The following PPFIA4 variants were observed in gnomAD, a reference collection of about 807,000 sequenced individuals.
PPFIA4 encodes PPFI scaffold protein A4.
In PPFIA4, 98 loss-of-function variants were observed where a neutral mutation model predicts 145.7. The observed-to-expected ratio is 0.67, with a 90% CI of 0.57 to 0.80. PPFIA4 has a LOEUF of 0.80. Among genes scored for constraint, PPFIA4 ranks in the 30% least tolerant of loss-of-function variants. PPFIA4 has a pLI of 0.00. For synonymous variants in PPFIA4, 628 were observed against 649.6 expected (o/e 0.97, Z 0.51); for missense variants, 1,457 against 1,632.7 (o/e 0.89, Z 1.85).
chr1:203,063,618 T>C, intron 24 of PPFIA4: 1 of 539,436 alleles, frequency 1.9e-6, no homozygotes, highest in South Asian at 2.2e-5. Flanking sequence ...AACCGTATCA[T>C]TTCGAGATCT....
rs555327606 is a variant in PPFIA4, at chr1:203,046,472, G to A, written c.1140+90G>A. ...GCAGGGAAGGGAGCGCGTGGGAGGC[G>A]CACTGGGCCAGGAGCCAGAAAACTG... On this transcript the variant is annotated intron_variant, in intron 9 of 29. Transcript: ENST00000295706. The A allele has an allele frequency of 4.9e-6, 7 of 1,435,366 alleles. No homozygotes were observed. In the Admixed American group the frequency reaches 7.5e-5, roughly 15 times the overall value. 88.9% of individuals were successfully genotyped at this position (1,435,366 alleles called of 1,614,324 possible). A position where few individuals can be genotyped will look rare whatever the true frequency, so the allele number is the denominator to read the frequency against.
At chr1:203,044,910 C>A in intron 6 of PPFIA4, 125 bp downstream of exon 6, 2 of 811,392 alleles carry the variant, frequency 2.5e-6, no homozygotes, top group African/African-American at 3.4e-5. Flanking sequence ...CTCTGATATT[C>A]CCCCTTCTCT....
In PPFIA4 at chr1:203,075,791, C is replaced by T. The variant is rs1384812174; in HGVS notation, c.3574+34C>T. 11 of 1,350,390 alleles carry T rather than the reference C, an allele frequency of 8.1e-6. No individual in the cohort carries two copies. The highest frequency in any genetic ancestry group is 2.1e-4 in the Middle Eastern group (1 of 4,652). 83.7% of individuals were successfully genotyped at this position (1,350,390 alleles called of 1,614,324 possible). On this transcript the variant is annotated intron_variant, in intron 29 of 29. Transcript: ENST00000295706. The surrounding 1 kb of genome is among the most constrained non-coding windows in gnomAD (Gnocchi z 4.1). ...CAGGCGGGCTGGGCATGGCCGAGGC[C>T]CAGCCGAGCGCGGGCTTCTTCCTGG...
In PPFIA4 at chr1:203,078,361, A is replaced by G. The variant is rs1662673077; in HGVS notation, c.*1971A>G. The G allele has an allele frequency of 6.6e-6, 1 of 151,814 alleles. No homozygotes were observed. The highest frequency in any genetic ancestry group is 1.5e-5 in the Non-Finnish European group (1 of 67,946). The allele number at this position is 151,814 out of a possible 1,614,324, so 9.4% of individuals were successfully genotyped here. A position where few individuals can be genotyped will look rare whatever the true frequency, so the allele number is the denominator to read the frequency against. On this transcript the variant is annotated 3_prime_UTR_variant, in exon 30 of 30. Transcript: ENST00000295706. ...TCTTGATGGGCTGGCTGTAAGGGAG[A>G]CTCAGTCCCAGCCTCTCCCCTCTAC...
intron 4 of PPFIA4, 21 bp downstream of exon 4, chr1:203,044,116 C>A: frequency 6.4e-7 from 1 of 1,555,954 alleles, no homozygotes; most frequent in Non-Finnish European, 8.7e-7. Flanking sequence ...GCCCGCCAGC[C>A]CCCACATCCA....
chr1:203,052,052 C>CCCCCA (rs1553257081), intron 14 of PPFIA4, among the ~76,000 whole-genome samples, 175 bp downstream of exon 14: 1 of 140,062 alleles, frequency 7.1e-6, no homozygotes, highest in African/African-American at 2.7e-5. Context: ...TGTGCCCCCC[C>CCCCCA]CCCCGCTTGC....
At chr1:203,057,579 T>A (rs933056984) in intron 19 of PPFIA4, among the ~76,000 whole-genome samples, 3 of 152,250 alleles carry the variant, frequency 2.0e-5, no homozygotes, top group African/African-American at 7.2e-5. Flanking sequence ...TTCCTCCACC[T>A]TTTCTTTCTG....
intron 1 of PPFIA4, chr1:203,037,189 G>A: frequency 2.6e-6 from 1 of 378,042 alleles, no homozygotes. Context: ...CAGTACTCTG[G>A]GGAGGGGGTC....
At chr1:203,035,427 T>C (rs1366885259) in intron 1 of PPFIA4, 1 of 425,988 alleles carries the variant, frequency 2.3e-6, no homozygotes, top group Non-Finnish European at 4.8e-6. Context: ...ACTTTTGGGA[T>C]GCCAAAGAGG....
intron 25 of PPFIA4, among the ~76,000 whole-genome samples, chr1:203,066,925 T>C (rs1302996602): frequency 6.6e-6 from 1 of 152,160 alleles, no homozygotes; most frequent in African/African-American, 2.4e-5. Context: ...ATATGGTATG[T>C]TAATAGACAA....
intron 25 of PPFIA4, among the ~76,000 whole-genome samples, chr1:203,066,925 T>G (rs1302996602): frequency 6.6e-6 from 1 of 152,160 alleles, no homozygotes; most frequent in East Asian, 1.9e-4. Flanking sequence ...ATATGGTATG[T>G]TAATAGACAA....
rs1473873588 is a variant in PPFIA4 at position 203,049,738 on chromosome 1, G to A, written c.1482G>A (p.Gly494=). 1.3e-6 allele frequency: 2 copies of A among 1,589,718 alleles called. No homozygotes were observed. The highest frequency in any genetic ancestry group is 1.1e-5 in the South Asian group (1 of 87,024). Residue 494 remains glycine, a synonymous_variant, in exon 13 of 30, where the codon GGG becomes GGA. Coordinates refer to ENST00000295706, the MANE Select transcript of PPFIA4 (RefSeq NM_001304331.2). The part of the protein sequence containing the change: ...RQEVDQLKGR[G]GPFVDGVHSR... Reference sequence around the variant, plus strand: ...AGGTGGACCAGCTGAAGGGCCGAGGGGGGCCGTTTGTGGATGGCGTCCACT... The same window carrying A: ...AGGTGGACCAGCTGAAGGGCCGAGGAGGGCCGTTTGTGGATGGCGTCCACT...
Position 203,045,421 on chromosome 1 carries a change from T to G in PPFIA4, c.720T>G (p.Phe240Leu). 6.2e-7 allele frequency: 1 copy of G among 1,609,264 alleles called. No individual in the cohort carries two copies. Among genetic ancestry groups the G allele is most frequent in the Non-Finnish European group, 8.5e-7 (1 of 1,178,496 alleles). ...ELQELLEKQN[F>L]ELSQARERLV... ...AGGAGCTCCTGGAGAAGCAGAACTTTGAGTTGAGCCAGGCCCGGGAGCGAC... is the reference window on the plus strand; with the variant it reads ...AGGAGCTCCTGGAGAAGCAGAACTTGGAGTTGAGCCAGGCCCGGGAGCGAC... The change falls in exon 7 of 30, where the codon TTT becomes TTG. Residue 240 changes from phenylalanine to leucine, a missense_variant. Physicochemically the swap from Phe to Leu is conservative, Grantham distance 22 (BLOSUM62 0). Coordinates refer to ENST00000295706, the MANE Select transcript of PPFIA4 (RefSeq NM_001304331.2).
intron 9 of PPFIA4, 42 bp downstream of exon 9, chr1:203,046,424 G>A (rs1178034704): frequency 1.2e-5 from 19 of 1,542,940 alleles, no homozygotes; most frequent in Non-Finnish European, 1.5e-5. Context: ...TGTCCCCCAT[G>A]TTCTGAGCTC....
Position 203,060,613 on chromosome 1 carries a change from C to T in PPFIA4, c.2784+196C>T, listed in dbSNP as rs543088900. Among the ~76,000 whole-genome samples the T allele has an allele frequency of 2.6e-5, 4 of 152,314 alleles. No individual in the cohort carries two copies. The East Asian group carries it at 7.7e-4, about 29-fold the overall frequency. ...GATACCAGCAGCCTTGGTTCCCTGC[C>T]TTTCACATACCACCCATGGGGCTCC... On this transcript the variant is annotated intron_variant, in intron 22 of 29. Coordinates refer to ENST00000295706, the MANE Select transcript of PPFIA4 (RefSeq NM_001304331.2). The surrounding 1 kb of genome is among the most constrained non-coding windows in gnomAD (Gnocchi z 4.8).
At position 203,060,602 on chromosome 1, in the gene PPFIA4, T is replaced by C. The variant is rs1661295021; in HGVS notation, c.2784+185T>C. Among the ~76,000 whole-genome samples the C allele has an allele frequency of 6.6e-6, 1 of 152,210 alleles. No homozygotes were observed. Among genetic ancestry groups the C allele is most frequent in the Non-Finnish European group, 1.5e-5 (1 of 68,028 alleles). ...GATTCTAGGAGGATACCAGCAGCCT[T>C]GGTTCCCTGCCTTTCACATACCACC... On this transcript the variant is annotated intron_variant, in intron 22 of 29. Coordinates refer to ENST00000295706, the MANE Select transcript of PPFIA4 (RefSeq NM_001304331.2). The surrounding 1 kb of genome is among the most constrained non-coding windows in gnomAD (Gnocchi z 4.8).
intron 1 of PPFIA4, among the ~76,000 whole-genome samples, chr1:203,030,256 C>T (rs1457437852): frequency 2.6e-5 from 4 of 152,212 alleles, no homozygotes; most frequent in African/African-American, 4.8e-5. Flanking sequence ...GTGTGACCTC[C>T]GAGAGCCCTT....
At chr1:203,063,655 C>G (rs574760122) in intron 24 of PPFIA4, 173 bp from the exon 25 acceptor site, 2 of 604,876 alleles carry the variant, frequency 3.3e-6, no homozygotes, top group African/African-American at 3.7e-5. Flanking sequence ...AAATCCTCAC[C>G]TCCCACCACT....
intron 1 of PPFIA4, chr1:203,035,499 A>AC (rs5780135): frequency 0.96 from 424,114 of 440,600 alleles, 206,088 homozygotes; most frequent in East Asian, 1. Context: ...CCAATCCCCC[A>AC]CCCCCACACA....
Sources: gnomAD v4.1 joint callset for allele counts (sites outside exome capture counted in the v4.1 genomes callset) on GRCh38, gnomAD v4.1.1 for gene constraint, Gnocchi (gnomAD v3.1) non-coding constraint, MANE v1.5 for transcripts, NCBI Gene and HGNC (gene_info 2026-07-23, HGNC 2026-07-21) for gene names.